PTGFRN: variants seen among roughly 807,000 people sequenced by gnomAD.
PTGFRN encodes prostaglandin F2 receptor negative regulator.
Under a neutral mutation model 83.2 loss-of-function variants are expected in PTGFRN, and 35 were observed. The ratio of observed to expected loss-of-function variants is 0.42; its 90% CI spans 0.32 to 0.56. The LOEUF (loss-of-function observed/expected upper bound fraction) is 0.56, where lower values mean the gene tolerates loss of function less well. PTGFRN is among the 20% of genes least tolerant of loss of function. The pLI is 0.11. For missense variants in PTGFRN, 1,051 were observed against 1,179.5 expected (o/e 0.89, Z 1.60); for synonymous variants, 519 against 498.6 (o/e 1.04, Z -0.55).
In PTGFRN at chr1:116,961,948, C is replaced by T. The variant is rs1257981087; in HGVS notation, c.1639+280C>T. Among the ~76,000 whole-genome samples the T allele has an allele frequency of 6.6e-6, 1 of 152,102 alleles. No homozygotes were observed. Among genetic ancestry groups the T allele is most frequent in the Non-Finnish European group, 1.5e-5 (1 of 68,014 alleles). ...CTGAATGTTTCTTTTCTCTTTCTTG[C>T]ATTAAACATGGTGACTCTGAGGACA... On this transcript the variant is annotated intron_variant, in intron 5 of 8. Transcript: ENST00000393203. This position sits in a 1 kb window ranked among gnomAD's most constrained non-coding sequence, Gnocchi z 5.4.
intron 7 of PTGFRN, among the ~76,000 whole-genome samples, chr1:116,982,589 T>C (rs1003464052): frequency 2.0e-5 from 3 of 151,402 alleles, no homozygotes; most frequent in Admixed American, 2.0e-4. Flanking sequence ...GAGTGATGGA[T>C]TGAGGGAGTG....
At chr1:116,970,269 C>G (rs1225535863) in intron 6 of PTGFRN, among the ~76,000 whole-genome samples, 1 of 151,946 alleles carries the variant, frequency 6.6e-6, no homozygotes, top group East Asian at 1.9e-4. Flanking sequence ...GAGGAAGTTT[C>G]CTTCCACTCC....
At chr1:116,986,756 C>T in intron 8 of PTGFRN, 45 bp from the exon 9 acceptor site, 1 of 1,594,440 alleles carries the variant, frequency 6.3e-7, no homozygotes, top group Non-Finnish European at 8.6e-7. Context: ...AAAGCGGCCT[C>T]CCTCGCAGCA....
At chr1:116,980,971 A>C (rs903670263) in intron 7 of PTGFRN, among the ~76,000 whole-genome samples, 1 of 152,256 alleles carries the variant, frequency 6.6e-6, no homozygotes, top group African/African-American at 2.4e-5. Flanking sequence ...GAAGACATGC[A>C]GAGCAAAGGA....
At chr1:116,920,677 G>A (rs1570644475) in intron 1 of PTGFRN, among the ~76,000 whole-genome samples, 2 of 152,174 alleles carry the variant, frequency 1.3e-5, no homozygotes, top group East Asian at 3.8e-4. Flanking sequence ...AGGCTGGAGT[G>A]CAGTGGGGCA....
chr1:116,979,046 A>C lies in PTGFRN; in HGVS notation c.2167+4723A>C, dbSNP rs929767932. 3.9e-5 allele frequency among the ~76,000 whole-genome samples: 6 copies of C among 152,224 alleles called. 1 individual carries two copies. The highest frequency in any genetic ancestry group is 1.4e-4 in the African/African-American group (6 of 41,464). ...GTCTCAGGATACAAAATCAATGTGC[A>C]AAAATCACAAGCATTCTTACACACC... is the stretch of plus-strand genomic sequence containing the variant. On this transcript the variant is annotated intron_variant, in intron 7 of 8. Coordinates refer to ENST00000393203, the MANE Select transcript of PTGFRN (RefSeq NM_020440.4).
rs1319101778 is a variant in PTGFRN, at chr1:116,958,038, C to G, written c.1214-3205C>G. 3.3e-5 allele frequency among the ~76,000 whole-genome samples: 5 copies of G among 151,862 alleles called. No homozygotes were observed. Among genetic ancestry groups the G allele is most frequent in the Non-Finnish European group, 7.4e-5 (5 of 67,980 alleles). ...ATCTGTTGATGGACACGGGTTGATT[C>G]CATATCTTGGCCCTTGTGAATAATG... On this transcript the variant is annotated intron_variant, in intron 4 of 8. Coordinates refer to ENST00000393203, the MANE Select transcript of PTGFRN (RefSeq NM_020440.4). The surrounding 1 kb of genome is among the most constrained non-coding windows in gnomAD (Gnocchi z 4.9).
chr1:116,982,356 T>A (rs1651343794), intron 7 of PTGFRN, among the ~76,000 whole-genome samples: 1 of 152,166 alleles, frequency 6.6e-6, no homozygotes, highest in African/African-American at 2.4e-5. Flanking sequence ...TCTTGGACTG[T>A]GTGGATGGAA....
At chr1:116,981,529 C>T (rs1651318479) in intron 7 of PTGFRN, among the ~76,000 whole-genome samples, 1 of 152,238 alleles carries the variant, frequency 6.6e-6, no homozygotes, top group South Asian at 2.1e-4. Flanking sequence ...CAGTGAGCCC[C>T]TGAGCAGGGG....
At chr1:116,982,837 G>A (rs1020583600) in intron 7 of PTGFRN, among the ~76,000 whole-genome samples, 2 of 152,176 alleles carry the variant, frequency 1.3e-5, no homozygotes, top group African/African-American at 2.4e-5. Flanking sequence ...TCCAGGTGGC[G>A]GCTTCCATCA....
intron 5 of PTGFRN, among the ~76,000 whole-genome samples, chr1:116,966,605 T>TAGCG (rs1256689997): frequency 6.6e-6 from 1 of 152,206 alleles, no homozygotes; most frequent in East Asian, 1.9e-4. Flanking sequence ...GGAGCACCAA[T>TAGCG]AGCGGGTTCC....
rs189669846 is a variant in PTGFRN, at chr1:116,963,221, G to A, written c.1639+1553G>A. ...GTGACAAGTGGGCTCTTGGCACTGC[G>A]TGGGAATTATTCTGCATTTCCTTAG... On this transcript the variant is annotated intron_variant, in intron 5 of 8. Coordinates refer to ENST00000393203, the MANE Select transcript of PTGFRN (RefSeq NM_020440.4). Among the ~76,000 whole-genome samples the A allele has an allele frequency of 9.8e-5, 15 of 152,308 alleles. No individual in the cohort carries two copies. The East Asian group carries it at 2.5e-3, about 25-fold the overall frequency.
intron 7 of PTGFRN, among the ~76,000 whole-genome samples, chr1:116,980,663 C>T (rs1012694201): frequency 1.1e-4 from 16 of 152,156 alleles, no homozygotes; most frequent in African/African-American, 3.4e-4. Flanking sequence ...AATGAGAACA[C>T]TTGGACACAG....
intron 1 of PTGFRN, among the ~76,000 whole-genome samples, chr1:116,930,404 C>A (rs1301471506): frequency 6.6e-6 from 1 of 152,184 alleles, no homozygotes; most frequent in Non-Finnish European, 1.5e-5. Context: ...CCGATGGTGT[C>A]ATCGACTCCC....
chr1:116,964,768 C>T (rs955010366), intron 5 of PTGFRN, among the ~76,000 whole-genome samples: 1 of 152,256 alleles, frequency 6.6e-6, no homozygotes. Flanking sequence ...TCCCAGCTTT[C>T]TCCAGCACCA....
intron 1 of PTGFRN, among the ~76,000 whole-genome samples, chr1:116,928,043 G>T (rs1649698712): frequency 1.3e-5 from 2 of 152,198 alleles, no homozygotes; most frequent in African/African-American, 4.8e-5. Flanking sequence ...TTAGAAACAA[G>T]ATTTAAGTCT....
intron 1 of PTGFRN, among the ~76,000 whole-genome samples, chr1:116,933,613 T>C (rs773406466): frequency 2.6e-5 from 4 of 152,208 alleles, no homozygotes; most frequent in Non-Finnish European, 4.4e-5. Context: ...TTAGTACTTA[T>C]TTTTGGTGCA....
intron 1 of PTGFRN, among the ~76,000 whole-genome samples, chr1:116,930,704 C>G (rs1570649730): frequency 6.6e-6 from 1 of 152,040 alleles, no homozygotes; most frequent in Admixed American, 6.6e-5. Context: ...TTATTATTAC[C>G]TCTCCCCACC....
intron 5 of PTGFRN, among the ~76,000 whole-genome samples, chr1:116,966,650 A>T (rs570791601): frequency 6.6e-6 from 1 of 152,316 alleles, no homozygotes; most frequent in African/African-American, 2.4e-5. Context: ...TAAGGACTTA[A>T]AAATCCTTAA....
Sources: gnomAD v4.1 joint callset for allele counts (sites outside exome capture counted in the v4.1 genomes callset) on GRCh38, gnomAD v4.1.1 for gene constraint, Gnocchi (gnomAD v3.1) non-coding constraint, MANE v1.5 for transcripts, NCBI Gene and HGNC (gene_info 2026-07-23, HGNC 2026-07-21) for gene names.